Variants in GRIP1 observed in about 807,000 individuals in gnomAD.
GRIP1 encodes glutamate receptor interacting protein 1, also known as glutamate receptor-interacting protein 1.
In GRIP1, 45 loss-of-function variants were observed where a neutral mutation model predicts 129.9. That is an observed-to-expected ratio of 0.35 (90% confidence interval 0.27 to 0.44). GRIP1 has a LOEUF of 0.44. Ranked by LOEUF, GRIP1 falls within the 20% of genes least tolerant of loss-of-function variation. The pLI is 1.00. For synonymous variants in GRIP1, 530 were observed against 520.8 expected (o/e 1.02, Z -0.24); for missense variants, 1,196 against 1,396.8 (o/e 0.86, Z 2.29).
chr12:66,387,249 G>T (rs914584775), intron 19 of GRIP1, among the ~76,000 whole-genome samples: 1 of 152,202 alleles, frequency 6.6e-6, no homozygotes, highest in Non-Finnish European at 1.5e-5. Flanking sequence ...ATCCCATCTG[G>T]CATCAAGGTA....
intron 1 of GRIP1, among the ~76,000 whole-genome samples, chr12:66,771,630 C>A (rs2037821667): frequency 6.6e-6 from 1 of 152,186 alleles, no homozygotes; most frequent in Non-Finnish European, 1.5e-5. Flanking sequence ...TGAGTCAGTT[C>A]TTAGGCTCAC....
chr12:66,601,747 A>C (rs2064287574), intron 1 of GRIP1, among the ~76,000 whole-genome samples: 1 of 152,222 alleles, frequency 6.6e-6, no homozygotes, highest in African/African-American at 2.4e-5. Flanking sequence ...CACAGTGTTC[A>C]TGCATGTCCT....
chr12:66,837,359 TA>T (rs2039633123), intron 1 of GRIP1, among the ~76,000 whole-genome samples: 1 of 152,298 alleles, frequency 6.6e-6, no homozygotes, highest in Admixed American at 6.5e-5. Flanking sequence ...TGATTGACTC[TA>T]TTTGGGTGAG....
intron 1 of GRIP1, among the ~76,000 whole-genome samples, chr12:66,970,280 C>A (rs1385116727): frequency 6.6e-6 from 1 of 152,124 alleles, no homozygotes; most frequent in East Asian, 1.9e-4. Flanking sequence ...TGGGGTTTTA[C>A]CATGTTGCCC....
At chr12:66,857,405 T>C (rs937951100) in intron 1 of GRIP1, among the ~76,000 whole-genome samples, 1 of 151,984 alleles carries the variant, frequency 6.6e-6, no homozygotes, top group Non-Finnish European at 1.5e-5. Flanking sequence ...ACATTAAAAA[T>C]AGTAATGATT....
intron 5 of GRIP1, among the ~76,000 whole-genome samples, chr12:66,521,303 G>A (rs763045810): frequency 6.6e-6 from 1 of 152,208 alleles, no homozygotes; most frequent in Non-Finnish European, 1.5e-5. Context: ...GGCACAAAAT[G>A]AAAGCTACTA....
chr12:66,649,199 G>A (rs2032603370), intron 1 of GRIP1, among the ~76,000 whole-genome samples: 1 of 152,246 alleles, frequency 6.6e-6, no homozygotes, highest in Non-Finnish European at 1.5e-5. Flanking sequence ...GGTCTGGCTC[G>A]ATTCTCTTGA....
chr12:66,929,579 C>T (rs1248426327), intron 1 of GRIP1, among the ~76,000 whole-genome samples: 1 of 152,128 alleles, frequency 6.6e-6, no homozygotes, highest in Non-Finnish European at 1.5e-5. Flanking sequence ...ATACCCTACA[C>T]TCTCATATCT....
intron 1 of GRIP1, among the ~76,000 whole-genome samples, chr12:67,017,249 T>C (rs955597738): frequency 2.6e-5 from 4 of 151,882 alleles, no homozygotes; most frequent in Non-Finnish European, 5.9e-5. Context: ...TCATGAATAG[T>C]TATCATAAGT....
At chr12:66,712,743 A>C (rs1261300230) in intron 1 of GRIP1, among the ~76,000 whole-genome samples, 1 of 152,002 alleles carries the variant, frequency 6.6e-6, no homozygotes, top group Non-Finnish European at 1.5e-5. Context: ...TTTATCTGTA[A>C]AATATTTGTC....
chr12:66,710,615 C>T (rs1444145047), intron 1 of GRIP1, among the ~76,000 whole-genome samples: 2 of 151,878 alleles, frequency 1.3e-5, no homozygotes, highest in African/African-American at 2.4e-5. Context: ...GTTGCTATAA[C>T]CCCTGAGTTA....
chr12:66,456,213 G>A lies in GRIP1; in HGVS notation c.1172C>T (p.Pro391Leu), dbSNP rs760899540. The part of the protein sequence containing the change: ...DHCRVPALTF[P>L]KAPPPNSPPA... ...AGGGCTGTTTGGAGGAGGTGCTTTC[G>A]GGAATGTCAGGGCTGGTACTCTGCA... is the stretch of plus-strand genomic sequence containing the variant. The change falls in exon 10 of 25, where the codon CCG (proline) becomes CTG (leucine). Residue 391 changes from proline (P) to leucine (L), a missense_variant. Pro to Leu is a moderately conservative substitution (Grantham distance 98). Around this residue, in one of 5 missense-constraint regions of GRIP1, gnomAD observed 508 missense variants for 587.0 expected, o/e 0.87. Transcript: ENST00000359742. 9.3e-6 allele frequency: 12 copies of A among 1,289,438 alleles called. No homozygotes were observed. The highest frequency in any genetic ancestry group is 1.1e-4 in the East Asian group (2 of 18,028). The allele number at this position is 1,289,438 out of a possible 1,614,324, so 79.9% of individuals were successfully genotyped here.
At chr12:66,411,712 T>C (rs2057409561) in intron 15 of GRIP1, among the ~76,000 whole-genome samples, 1 of 152,146 alleles carries the variant, frequency 6.6e-6, no homozygotes, top group Non-Finnish European at 1.5e-5. Context: ...TCTAACCCAA[T>C]TCAAATAAGC....
intron 22 of GRIP1, among the ~76,000 whole-genome samples, chr12:66,375,835 C>T (rs1454291150): frequency 6.6e-6 from 1 of 152,082 alleles, no homozygotes; most frequent in African/African-American, 2.4e-5. Flanking sequence ...GTTAGAAAAA[C>T]AACTTTTTTT....
At chr12:66,766,656 G>T (rs1380842196) in intron 1 of GRIP1, among the ~76,000 whole-genome samples, 1 of 151,904 alleles carries the variant, frequency 6.6e-6, no homozygotes, top group Non-Finnish European at 1.5e-5. Context: ...CTTCCATGTA[G>T]GGAGATTCAG....
intron 1 of GRIP1, among the ~76,000 whole-genome samples, chr12:66,919,776 A>G (rs1444762881): frequency 1.3e-5 from 2 of 152,162 alleles, no homozygotes; most frequent in African/African-American, 2.4e-5. Flanking sequence ...CACCTTCACT[A>G]AAGTAGGATA....
At chr12:66,511,226 T>C (rs1174960432) in intron 7 of GRIP1, among the ~76,000 whole-genome samples, 2 of 152,168 alleles carry the variant, frequency 1.3e-5, no homozygotes, top group East Asian at 3.8e-4. Flanking sequence ...TGGGAAATGT[T>C]CCTTTCACCT....
intron 1 of GRIP1, among the ~76,000 whole-genome samples, chr12:66,839,628 G>T (rs528297449): frequency 6.6e-6 from 1 of 152,244 alleles, no homozygotes; most frequent in South Asian, 2.1e-4. Context: ...TATCCCCAAA[G>T]GGATAAGCTT....
chr12:66,874,694 T>A (rs986628719), intron 1 of GRIP1, among the ~76,000 whole-genome samples: 6 of 151,976 alleles, frequency 3.9e-5, no homozygotes, highest in Admixed American at 2.0e-4. Flanking sequence ...CCAGATGTTG[T>A]GATAATTCAC....
Sources: gnomAD v4.1 joint callset for allele counts (sites outside exome capture counted in the v4.1 genomes callset) on GRCh38, gnomAD v4.1.1 for gene constraint, gnomAD v4.1.1 regional missense constraint, MANE v1.5 for transcripts, NCBI Gene and HGNC (gene_info 2026-07-23, HGNC 2026-07-21) for gene names.